The following NAV1 variants were observed in gnomAD, a reference collection of about 807,000 sequenced individuals.
The protein encoded by NAV1 is pore membrane and/or filament interacting like protein 3.
NAV1 carries 18 observed loss-of-function variants against 175.2 expected under a neutral mutation model. That is an observed-to-expected ratio of 0.10 (90% CI 0.07 to 0.15). The LOEUF is 0.15. Among genes scored for constraint, NAV1 ranks in the 10% least tolerant of loss-of-function variants. NAV1 has a pLI of 1.00. For synonymous variants in NAV1, 897 were observed against 978.7 expected, an observed-to-expected ratio of 0.92 and a Z score of 1.56; for missense variants, 1,731 against 2,436.6, an observed-to-expected ratio of 0.71 and a Z score of 6.10.
chr1:201,705,009 G>A (rs1320221891), intron 1 of NAV1, among the ~76,000 whole-genome samples: 1 of 152,110 alleles, frequency 6.6e-6, no homozygotes, highest in Non-Finnish European at 1.5e-5. Flanking sequence ...TATAGTGATG[G>A]GCTCTTGCTG....
At position 201,784,460 on chromosome 1, in the gene NAV1, C is replaced by T. The variant is rs141587648; in HGVS notation, c.2804+608C>T. Among the ~76,000 whole-genome samples, 207 of 152,104 alleles carry T rather than the reference C, an allele frequency of 1.4e-3. 1 individual carries two copies. The highest frequency in any genetic ancestry group is 4.8e-3 in the African/African-American group (201 of 41,486). On this transcript the variant is annotated intron_variant, in intron 7 of 29. Coordinates refer to ENST00000367296, the Ensembl canonical transcript of NAV1. ...GGCATGAGCCACCACACCTGGCTGC[C>T]CAGAATCTTTTCTTTTATATCACAT...
chr1:201,539,772 T>C lies in NAV1; in HGVS notation c.-144+430T>C, dbSNP rs1665449875. On this transcript the variant is annotated intron_variant, in intron 1 of 33. Coordinates refer to the NAV1 transcript ENST00000685211. This position sits in a 1 kb window ranked among gnomAD's most constrained non-coding sequence, Gnocchi z 5.6. ...ACCCTACCCGCACCTCTGCCTTTCG[T>C]TGAAGCAAGAGTTAACTCCTCCCAT... Among the ~76,000 whole-genome samples, 1 of 152,152 alleles carries C rather than the reference T, an allele frequency of 6.6e-6. No homozygotes were observed. Among genetic ancestry groups the C allele is most frequent in the Non-Finnish European group, 1.5e-5 (1 of 68,012 alleles).
chr1:201,647,937 C>A (rs112024703), upstream of NAV1, among the ~76,000 whole-genome samples: 3 of 152,208 alleles, frequency 2.0e-5, no homozygotes, highest in African/African-American at 2.4e-5. Context: ...CCGTGCCCTC[C>A]GAGAATCCAA....
chr1:201,700,553 A>T (rs1307764681), intron 1 of NAV1, among the ~76,000 whole-genome samples: 1 of 152,208 alleles, frequency 6.6e-6, no homozygotes, highest in Non-Finnish European at 1.5e-5. Flanking sequence ...TAGAACGAGA[A>T]ATACCATTTG....
chr1:201,587,336 A>C (rs1667063715), intron 1 of NAV1, among the ~76,000 whole-genome samples: 1 of 152,188 alleles, frequency 6.6e-6, no homozygotes, highest in Admixed American at 6.5e-5. Context: ...AACTCAAATA[A>C]TGAGAAAACA....
chr1:201,594,597 AGAG>A (rs916343955), intron 2 of NAV1, among the ~76,000 whole-genome samples: 31 of 152,328 alleles, frequency 2.0e-4, no homozygotes, highest in African/African-American at 5.3e-4. Context: ...AAGGATGGGG[AGAG>A]GAGGACAGGC....
chr1:201,685,778 C>T (rs1670662437), intron 1 of NAV1, among the ~76,000 whole-genome samples: 1 of 152,162 alleles, frequency 6.6e-6, no homozygotes, highest in African/African-American at 2.4e-5. Context: ...GAAACATAGC[C>T]AGCTAGTGGC....
intron 3 of NAV1, among the ~76,000 whole-genome samples, chr1:201,722,336 A>G (rs914715076): frequency 6.6e-6 from 1 of 152,196 alleles, no homozygotes. Flanking sequence ...GGTAACCCAT[A>G]TAAGTGGAAT....
Position 201,783,872 on chromosome 1 carries a change from G to C in NAV1, c.2804+20G>C. 6.3e-7 allele frequency: 1 copy of C among 1,585,132 alleles called. No individual in the cohort carries two copies. Among genetic ancestry groups the C allele is most frequent in the Non-Finnish European group, 8.6e-7 (1 of 1,163,528 alleles). On this transcript the variant is annotated intron_variant, in intron 7 of 29. Transcript: ENST00000367296. ...GGACAGGTAGGTAGAAAAGACAGCA[G>C]AACCTCGGCCTGTCTCCGTGTCTTG...
chr1:201,680,245 C>T (rs1571880301), intron 1 of NAV1, among the ~76,000 whole-genome samples: 1 of 152,186 alleles, frequency 6.6e-6, no homozygotes, highest in Admixed American at 6.5e-5. Context: ...CGCGGTGGCT[C>T]ACGCCTGTAA....
At chr1:201,803,667 GGCA>G in exon 16 of NAV1, 1 of 1,613,616 alleles carries the variant, frequency 6.2e-7, no homozygotes. Flanking sequence ...TTCCAGCATC[GGCA>G]GCAGCAAGGA....
At chr1:201,672,260 T>A (rs1253343114) in intron 1 of NAV1, among the ~76,000 whole-genome samples, 1 of 152,254 alleles carries the variant, frequency 6.6e-6, no homozygotes, top group Non-Finnish European at 1.5e-5. Flanking sequence ...TTAAGTTTTT[T>A]GTATGTGTGA....
At chr1:201,660,004 A>T (rs1179425268) in intron 1 of NAV1, among the ~76,000 whole-genome samples, 1 of 152,076 alleles carries the variant, frequency 6.6e-6, no homozygotes, top group African/African-American at 2.4e-5. Flanking sequence ...CCTAGGAGCT[A>T]TTGTCCTAGA....
intron 1 of NAV1, among the ~76,000 whole-genome samples, chr1:201,655,463 G>C (rs559953610): frequency 1.6e-4 from 25 of 152,350 alleles, no homozygotes; most frequent in Admixed American, 3.3e-4. Flanking sequence ...GGGGAGGTAG[G>C]GGGGGCCAGG....
intron 2 of NAV1, among the ~76,000 whole-genome samples, chr1:201,630,700 C>T (rs1280068295): frequency 6.6e-6 from 1 of 152,168 alleles, no homozygotes; most frequent in South Asian, 2.1e-4. Flanking sequence ...TCTCCTTCCA[C>T]AATAAATATA....
intron 15 of NAV1, among the ~76,000 whole-genome samples, chr1:201,799,368 G>A (rs1221758714): frequency 6.6e-6 from 1 of 152,166 alleles, no homozygotes; most frequent in East Asian, 1.9e-4. Flanking sequence ...GTTGATCCAG[G>A]CTTAACTTGG....
intron 3 of NAV1, among the ~76,000 whole-genome samples, chr1:201,732,759 T>C (rs1464001115): frequency 6.6e-6 from 1 of 152,210 alleles, no homozygotes; most frequent in Non-Finnish European, 1.5e-5. Context: ...AAAATAGGCA[T>C]TGCTCTTAAA....
At chr1:201,631,104 G>A (rs1668469673) in intron 2 of NAV1, among the ~76,000 whole-genome samples, 1 of 152,142 alleles carries the variant, frequency 6.6e-6, no homozygotes, top group South Asian at 2.1e-4. Context: ...TTTGGAGGAG[G>A]GTTTTACCAG....
At chr1:201,650,273 G>C (rs1053612020) in intron 1 of NAV1, among the ~76,000 whole-genome samples, 1 of 152,198 alleles carries the variant, frequency 6.6e-6, no homozygotes, top group Admixed American at 6.5e-5. Flanking sequence ...AACCCGAAGC[G>C]GGCCCCGGAA....
Sources: allele counts gnomAD v4.1 joint callset (sites outside exome capture counted in the v4.1 genomes callset), GRCh38; gene constraint gnomAD v4.1.1; non-coding constraint Gnocchi (gnomAD v3.1); transcripts MANE v1.5; gene names NCBI Gene and HGNC (gene_info 2026-07-23, HGNC 2026-07-21).